ACCSL: variants seen among roughly 807,000 people sequenced by gnomAD.
The protein encoded by ACCSL is 1-aminocyclopropane-1-carboxylate synthase homolog (inactive) like, also known as probable inactive 1-aminocyclopropane-1-carboxylate synthase-like protein 2.
In ACCSL, 55 loss-of-function variants were observed where a neutral mutation model predicts 61.7. That is an observed-to-expected ratio of 0.89 (90% CI 0.72 to 1.12). The LOEUF is 1.12. Among genes scored for constraint, ACCSL ranks in the 50% most tolerant of loss-of-function variants. The pLI, the probability that ACCSL is intolerant of heterozygous loss-of-function variation, is 0.00. For missense variants in ACCSL, 632 were observed against 698.0 expected (o/e 0.91, Z 1.07); for synonymous variants, 258 against 264.3 (o/e 0.98, Z 0.23).
the ACCSL span, among the ~76,000 whole-genome samples, chr11:44,002,557 C>G: frequency 6.6e-6 from 1 of 152,152 alleles, no homozygotes; most frequent in Non-Finnish European, 1.5e-5. Context: ...CACTCACTTC[C>G]CCAAGAGACC....
At chr11:44,052,555 T>G (rs1297142783) in intron 5 of ACCSL, 107 bp from the exon 6 acceptor site, 4 of 922,578 alleles carry the variant, frequency 4.3e-6, no homozygotes, top group Non-Finnish European at 7.0e-6. Flanking sequence ...GAAAGGATCG[T>G]GAAACTGACT....
chr11:43,950,210 A>G, the ACCSL span, among the ~76,000 whole-genome samples: 7 of 152,170 alleles, frequency 4.6e-5, no homozygotes, highest in Non-Finnish European at 1.0e-4. Flanking sequence ...CATCTTACAC[A>G]TATTGATTGA....
At chr11:43,992,056 T>TG in the ACCSL span, among the ~76,000 whole-genome samples, 1 of 35,372 alleles carries the variant, frequency 2.8e-5, no homozygotes, top group Non-Finnish European at 5.0e-5. Context: ...CTTTCTTTCT[T>TG]TTTTTTTTTT....
the ACCSL span, among the ~76,000 whole-genome samples, chr11:44,024,623 A>AGAAT: frequency 5.3e-5 from 8 of 152,156 alleles, no homozygotes; most frequent in Admixed American, 3.9e-4. Flanking sequence ...TCTATCCTGG[A>AGAAT]GAATGTTCCA....
At chr11:43,955,615 G>C in the ACCSL span, among the ~76,000 whole-genome samples, 2 of 152,108 alleles carry the variant, frequency 1.3e-5, no homozygotes, top group African/African-American at 4.8e-5. Flanking sequence ...ACTGGTGGGT[G>C]GGGTTCAGTG....
At chr11:44,009,679 C>T in the ACCSL span, among the ~76,000 whole-genome samples, 325 of 152,036 alleles carry the variant, frequency 2.1e-3, 3 homozygotes, top group East Asian at 0.029. Flanking sequence ...TCAGGAGGAT[C>T]GCTTGAGCCC....
At chr11:43,997,715 T>C in the ACCSL span, among the ~76,000 whole-genome samples, 1 of 152,208 alleles carries the variant, frequency 6.6e-6, no homozygotes, top group African/African-American at 2.4e-5. Flanking sequence ...TGGCTGCAAG[T>C]ATTGGAAACC....
chr11:44,030,936 G>A, the ACCSL span, among the ~76,000 whole-genome samples: 10,404 of 152,202 alleles, frequency 0.068, 383 homozygotes, highest in Non-Finnish European at 0.092. Context: ...TATACACGGG[G>A]AAACTGAAAC....
the ACCSL span, among the ~76,000 whole-genome samples, chr11:43,970,460 T>C: frequency 6.6e-6 from 1 of 152,174 alleles, no homozygotes; most frequent in South Asian, 2.1e-4. Context: ...CACCTTGGCC[T>C]CCCAAAGTGC....
chr11:43,988,030 ACCC>A, the ACCSL span, among the ~76,000 whole-genome samples: 1 of 150,364 alleles, frequency 6.7e-6, no homozygotes, highest in Non-Finnish European at 1.5e-5. Context: ...GCTTTTTCCC[ACCC>A]CCACAGGAAG....
chr11:44,051,559 G>C, intron 4 of ACCSL, 94 bp from the exon 5 acceptor site: 1 of 1,566,054 alleles, frequency 6.4e-7, no homozygotes, highest in Non-Finnish European at 8.8e-7. Context: ...GAGGCTCCCT[G>C]TGCCTGTTCT....
Position 44,056,193 on chromosome 11 carries a change from C to T in ACCSL, c.1194C>T (p.Gly398=). The part of the protein sequence containing the change: ...HVIWGTSKDF[G]ISGFRFGALY... ...TGCTTTTCTTCCTCTAGGATTTTGGCATCTCTGGCTTCCGCTTTGGTGCTC... is the reference window on the plus strand; with the variant it reads ...TGCTTTTCTTCCTCTAGGATTTTGGTATCTCTGGCTTCCGCTTTGGTGCTC... Residue 398 remains glycine (G), a synonymous_variant, in exon 11 of 14, where the codon GGC becomes GGT. Coordinates refer to ENST00000378832, the MANE Select transcript of ACCSL (RefSeq NM_001031854.2). 6.2e-7 allele frequency: 1 copy of T among 1,614,180 alleles called. No homozygotes were observed. The highest frequency in any genetic ancestry group is 8.5e-7 in the Non-Finnish European group (1 of 1,180,036).
the ACCSL span, among the ~76,000 whole-genome samples, chr11:43,979,945 G>T: frequency 6.6e-6 from 1 of 150,978 alleles, no homozygotes; most frequent in African/African-American, 2.4e-5. Context: ...GTAATTCTAA[G>T]CCTCAGAAAT....
chr11:43,990,427 G>T, the ACCSL span, among the ~76,000 whole-genome samples: 4 of 152,034 alleles, frequency 2.6e-5, no homozygotes, highest in African/African-American at 9.7e-5. Flanking sequence ...CCGTTTCCTC[G>T]CGAGGTAGAA....
the ACCSL span, among the ~76,000 whole-genome samples, chr11:43,926,029 G>C: frequency 6.6e-6 from 1 of 152,174 alleles, no homozygotes; most frequent in East Asian, 1.9e-4. Context: ...CCCTTGGCAG[G>C]CTCCCCTGGT....
chr11:44,040,729 A>G, the ACCSL span, among the ~76,000 whole-genome samples: 661 of 152,306 alleles, frequency 4.3e-3, 5 homozygotes, highest in African/African-American at 0.015. Context: ...ATGTAGAGTG[A>G]GAGAGGTACT....
the ACCSL span, among the ~76,000 whole-genome samples, chr11:43,947,762 A>ATT: frequency 4.5e-5 from 1 of 22,132 alleles, no homozygotes; most frequent in Admixed American, 3.6e-4. Context: ...AGAGAGAGAG[A>ATT]GAGGGAGAGA....
chr11:43,956,598 T>C, the ACCSL span, among the ~76,000 whole-genome samples: 27 of 152,182 alleles, frequency 1.8e-4, no homozygotes, highest in Admixed American at 2.0e-4. Flanking sequence ...TTTTTGTATT[T>C]TCAGTAGAGA....
At chr11:43,940,523 C>CT in the ACCSL span, among the ~76,000 whole-genome samples, 406 of 147,580 alleles carry the variant, frequency 2.8e-3, 8 homozygotes, top group South Asian at 0.048. Context: ...GCCTAGCTAA[C>CT]TTTTTTTTTT....
Sources: allele counts gnomAD v4.1 joint callset (sites outside exome capture counted in the v4.1 genomes callset), GRCh38; gene constraint gnomAD v4.1.1; transcripts MANE v1.5; gene names NCBI Gene and HGNC (gene_info 2026-07-23, HGNC 2026-07-21).